ATP10A: variants seen among roughly 807,000 people sequenced by gnomAD.
ATP10A encodes the protein phospholipid-transporting ATPase VA.
ATP10A carries 111 observed loss-of-function variants against 147.8 expected under a neutral mutation model. That is an observed-to-expected ratio of 0.75 (90% CI 0.64 to 0.88). ATP10A has a LOEUF of 0.88. ATP10A is among the 40% of genes least tolerant of loss of function. The pLI, the probability that ATP10A is intolerant of heterozygous loss-of-function variation, is 0.00. For synonymous variants in ATP10A, 875 were observed against 841.6 expected (o/e 1.04, Z -0.69); for missense variants, 1,927 against 1,959.0 (o/e 0.98, Z 0.31).
intron 1 of ATP10A, among the ~76,000 whole-genome samples, chr15:25,814,329 C>G (rs960454227): frequency 6.6e-6 from 1 of 152,186 alleles, no homozygotes; most frequent in Non-Finnish European, 1.5e-5. Context: ...CTTGCTCAGA[C>G]TTAAACAAAG....
chr15:25,858,010 G>C (rs1242721372), intron 1 of ATP10A, among the ~76,000 whole-genome samples: 1 of 152,176 alleles, frequency 6.6e-6, no homozygotes, highest in East Asian at 1.9e-4. Flanking sequence ...CCTGCCTTTG[G>C]ATGACAACCA....
intron 1 of ATP10A, among the ~76,000 whole-genome samples, chr15:25,847,787 T>G (rs1262747259): frequency 1.3e-5 from 2 of 151,846 alleles, no homozygotes; most frequent in African/African-American, 4.8e-5. Flanking sequence ...TGCACCACCA[T>G]GCCCAGCTAA....
chr15:25,811,251 C>T (rs1891417520), intron 1 of ATP10A, among the ~76,000 whole-genome samples: 1 of 152,180 alleles, frequency 6.6e-6, no homozygotes, highest in African/African-American at 2.4e-5. Context: ...CTTCCCTGGA[C>T]TCCAGCAGGC....
chr15:25,833,498 C>T (rs1387005495), intron 1 of ATP10A, among the ~76,000 whole-genome samples: 1 of 152,082 alleles, frequency 6.6e-6, no homozygotes, highest in Non-Finnish European at 1.5e-5. Flanking sequence ...AGCAGTTTGA[C>T]AGTAGAGTAC....
At chr15:25,850,124 C>T (rs1463227616) in intron 1 of ATP10A, among the ~76,000 whole-genome samples, 2 of 152,180 alleles carry the variant, frequency 1.3e-5, no homozygotes, top group African/African-American at 4.8e-5. Flanking sequence ...TATTTTGAAA[C>T]TGTTCAGTGG....
At chr15:25,847,210 C>G (rs1893059708) in intron 1 of ATP10A, among the ~76,000 whole-genome samples, 1 of 126,160 alleles carries the variant, frequency 7.9e-6, no homozygotes, top group Non-Finnish European at 1.8e-5. Flanking sequence ...ACAGGAGGCT[C>G]TGACTGAGCA....
intron 9 of ATP10A, among the ~76,000 whole-genome samples, chr15:25,714,990 A>G (rs1901699284): frequency 2.0e-5 from 3 of 151,996 alleles, no homozygotes; most frequent in Non-Finnish European, 4.4e-5. Context: ...ACACACACAC[A>G]CACACACACA....
intron 1 of ATP10A, among the ~76,000 whole-genome samples, chr15:25,787,315 G>C (rs1331565461): frequency 1.3e-5 from 2 of 152,074 alleles, no homozygotes; most frequent in Non-Finnish European, 2.9e-5. Flanking sequence ...ATATCACTAA[G>C]CTTGAGAAAC....
At chr15:25,728,195 C>G (rs1902705768) in intron 3 of ATP10A, among the ~76,000 whole-genome samples, 1 of 152,224 alleles carries the variant, frequency 6.6e-6, no homozygotes, top group African/African-American at 2.4e-5. Context: ...TCACCAGGGA[C>G]CCCTGCAGGG....
downstream of ATP10A, among the ~76,000 whole-genome samples, chr15:25,676,309 C>A (rs80233811): frequency 0.021 from 3,217 of 152,308 alleles, 48 homozygotes; most frequent in Non-Finnish European, 0.032. Flanking sequence ...TCTCCCAGGT[C>A]TCTCTCCCTG....
intron 2 of ATP10A, among the ~76,000 whole-genome samples, chr15:25,748,664 A>C (rs1408397755): frequency 6.6e-6 from 1 of 152,144 alleles, no homozygotes; most frequent in East Asian, 1.9e-4. Flanking sequence ...GAAAAAAAAA[A>C]GTATAATGAC....
intron 2 of ATP10A, among the ~76,000 whole-genome samples, chr15:25,740,035 G>A (rs568079892): frequency 6.8e-4 from 104 of 152,278 alleles, no homozygotes; most frequent in African/African-American, 2.3e-3. Flanking sequence ...AACCACATGG[G>A]GGAGGCGTGT....
intron 10 of ATP10A, chr15:25,710,233 C>T (rs1483573602): frequency 6.6e-6 from 1 of 152,286 alleles, no homozygotes; most frequent in Non-Finnish European, 1.5e-5. Flanking sequence ...GAACTCAGCT[C>T]CTCGGGTGAG....
intron 13 of ATP10A, among the ~76,000 whole-genome samples, chr15:25,700,230 C>T (rs988336523): frequency 5.9e-5 from 9 of 152,172 alleles, no homozygotes; most frequent in Admixed American, 2.0e-4. Flanking sequence ...AAATCAATGA[C>T]AATGCGAAGT....
At chr15:25,856,764 C>T in intron 1 of ATP10A, among the ~76,000 whole-genome samples, 1 of 151,908 alleles carries the variant, frequency 6.6e-6, no homozygotes, top group African/African-American at 2.4e-5. Flanking sequence ...AAAACAACGA[C>T]AACAACAACA....
rs1893225254 is a variant in ATP10A, at chr15:25,850,283, C to T, written c.449+12365G>A. Among the ~76,000 whole-genome samples the T allele has an allele frequency of 1.3e-5, 2 of 152,210 alleles. 1 individual carries two copies. Among genetic ancestry groups the T allele is most frequent in the South Asian group, 4.1e-4 (2 of 4,836 alleles). ...GGGGCCTCCCCAGCTCGCTCTCTCC[C>T]TGCCTCGTCTTTCCTCTCACAATGC... On this transcript the variant is annotated intron_variant, in intron 1 of 20. Transcript: ENST00000555815.
intron 2 of ATP10A, among the ~76,000 whole-genome samples, chr15:25,770,124 A>G: frequency 6.6e-6 from 1 of 152,158 alleles, no homozygotes. Flanking sequence ...CAAGCCAACT[A>G]CGAGGTGAGC....
At chr15:25,716,699 A>T in intron 9 of ATP10A, 31 bp downstream of exon 9, 1 of 1,513,904 alleles carries the variant, frequency 6.6e-7, no homozygotes, top group Non-Finnish European at 8.9e-7. Flanking sequence ...CAGAAGGTCA[A>T]GGTCAAGCTC....
At position 25,824,819 on chromosome 15, in the gene ATP10A, T is replaced by A. The variant is rs538267881; in HGVS notation, c.449+37829A>T. On this transcript the variant is annotated intron_variant, in intron 1 of 20. Coordinates refer to ENST00000555815, the MANE Select transcript of ATP10A (RefSeq NM_024490.4). Reference sequence around the variant, plus strand: ...ACAGTGAGCTTTGTAGCGTTTTACGTTTCCGTATTTCCTACTCTCCTCACT... The same window carrying A: ...ACAGTGAGCTTTGTAGCGTTTTACGATTCCGTATTTCCTACTCTCCTCACT... Among the ~76,000 whole-genome samples, 14 of 152,304 alleles carry A rather than the reference T, an allele frequency of 9.2e-5. No homozygotes were observed. The South Asian group carries it at 1.9e-3, about 20-fold the overall frequency.
Sources: allele counts gnomAD v4.1 joint callset (sites outside exome capture counted in the v4.1 genomes callset), GRCh38; gene constraint gnomAD v4.1.1; transcripts MANE v1.5; gene names NCBI Gene and HGNC (gene_info 2026-07-23, HGNC 2026-07-21).